TMPRSS11F: variants seen among roughly 807,000 people sequenced by gnomAD.
TMPRSS11F encodes transmembrane protease serine 11F.
TMPRSS11F carries 47 observed loss-of-function variants against 60.2 expected under a neutral mutation model. The observed-to-expected ratio is 0.78, with a 90% CI of 0.62 to 1.00. TMPRSS11F has a LOEUF of 1.00. TMPRSS11F is among the 50% of genes least tolerant of loss of function. TMPRSS11F has a pLI of 0.00. For synonymous variants in TMPRSS11F, 166 were observed against 167.3 expected (o/e 0.99, Z 0.06); for missense variants, 519 against 522.9 (o/e 0.99, Z 0.07).
At chr4:68,070,666 C>T (rs1723439709) in intron 5 of TMPRSS11F, among the ~76,000 whole-genome samples, 1 of 152,178 alleles carries the variant, frequency 6.6e-6, no homozygotes, top group Admixed American at 6.5e-5. Context: ...TTTTATGTTT[C>T]CCTTCTGTGA....
intron 9 of TMPRSS11F, among the ~76,000 whole-genome samples, chr4:68,058,059 C>T (rs1016688680): frequency 7.2e-5 from 11 of 152,038 alleles, no homozygotes; most frequent in African/African-American, 2.2e-4. Flanking sequence ...TTACCAGAGT[C>T]TGGGTGAGCC....
intron 1 of TMPRSS11F, among the ~76,000 whole-genome samples, chr4:68,125,147 A>G (rs560796802): frequency 1.3e-5 from 2 of 151,276 alleles, no homozygotes; most frequent in Non-Finnish European, 3.0e-5. Context: ...TAACTTACAA[A>G]CAGGGCAATT....
At chr4:68,098,755 A>C in intron 2 of TMPRSS11F, 132 bp downstream of exon 2, 2 of 841,264 alleles carry the variant, frequency 2.4e-6, no homozygotes, top group South Asian at 4.4e-5. Context: ...AGCAAACTAT[A>C]ATTTAACATC....
intron 1 of TMPRSS11F, among the ~76,000 whole-genome samples, chr4:68,103,284 A>C (rs998529217): frequency 6.6e-6 from 1 of 152,080 alleles, no homozygotes; most frequent in African/African-American, 2.4e-5. Context: ...CTACAAAAAA[A>C]ATACTTAAAA....
rs938491383 is a variant in TMPRSS11F at position 68,109,243 on chromosome 4, G to A, written c.12-10205C>T. On this transcript the variant is annotated intron_variant, in intron 1 of 9. Coordinates refer to ENST00000356291, the MANE Select transcript of TMPRSS11F (RefSeq NM_207407.2). ...GCTGGGTATTCTCTAGTGAACAAAAGAAGGTCCAGTACTCCAGTACCAGTA... is the reference window on the plus strand; with the variant it reads ...GCTGGGTATTCTCTAGTGAACAAAAAAAGGTCCAGTACTCCAGTACCAGTA... Among the ~76,000 whole-genome samples, 24 of 152,070 alleles carry A rather than the reference G, an allele frequency of 1.6e-4. No homozygotes were observed. In the East Asian group the frequency reaches 4.7e-3, roughly 29 times the overall value.
chr4:68,072,895 C>CTTTTG (rs980542240), intron 4 of TMPRSS11F, among the ~76,000 whole-genome samples: 80 of 152,198 alleles, frequency 5.3e-4, no homozygotes, highest in Non-Finnish European at 9.4e-4. Context: ...AGGGAGGATC[C>CTTTTG]TTTTGTTTAC....
At chr4:68,063,244 T>G (rs1723240716) in intron 8 of TMPRSS11F, 2 of 573,650 alleles carry the variant, frequency 3.5e-6, no homozygotes, top group Non-Finnish European at 6.9e-6. Flanking sequence ...ACTCCACAGG[T>G]TCTCTCTCCA....
Position 68,090,504 on chromosome 4 carries a change from A to T in TMPRSS11F, c.282+19T>A. ...CAAAAGACACATTAATAAACATTTA[A>T]AATTTCTGTTGAGCTTACCATTCTT... is the stretch of plus-strand genomic sequence containing the variant. On this transcript the variant is annotated intron_variant, in intron 3 of 9. Transcript: ENST00000356291. 6.4e-7 allele frequency: 1 copy of T among 1,566,842 alleles called. No homozygotes were observed. Among genetic ancestry groups the T allele is most frequent in the South Asian group, 1.2e-5 (1 of 85,282 alleles).
chr4:68,054,170 C>G (rs1722995708), intron 9 of TMPRSS11F, 103 bp from the exon 10 acceptor site: 1 of 971,942 alleles, frequency 1.0e-6, no homozygotes, highest in Non-Finnish European at 1.5e-6. Context: ...GTACACAGAC[C>G]ACAGCCAGAC....
intron 6 of TMPRSS11F, 118 bp downstream of exon 6, chr4:68,069,851 A>G: frequency 1.4e-6 from 1 of 736,648 alleles, no homozygotes; most frequent in South Asian, 2.3e-5. Flanking sequence ...TGTTCGGTTT[A>G]CAAAAATATA....
chr4:68,060,380 A>G (rs1284010346), intron 8 of TMPRSS11F, among the ~76,000 whole-genome samples: 1 of 150,554 alleles, frequency 6.6e-6, no homozygotes, highest in African/African-American at 2.4e-5. Flanking sequence ...GCCAGGCGTG[A>G]TGGCGGGTGC....
chr4:68,082,187 G>A (rs1302064245), intron 3 of TMPRSS11F, among the ~76,000 whole-genome samples: 3 of 152,152 alleles, frequency 2.0e-5, no homozygotes, highest in Non-Finnish European at 2.9e-5. Flanking sequence ...ACTAGGGAAG[G>A]GGTGAATGAA....
chr4:68,060,086 T>C (rs1241700987), intron 8 of TMPRSS11F, among the ~76,000 whole-genome samples: 5 of 151,888 alleles, frequency 3.3e-5, no homozygotes, highest in African/African-American at 1.2e-4. Context: ...TATTGGTGAG[T>C]AGCCCTGAGT....
In TMPRSS11F at chr4:68,072,305, TA is replaced by T. The variant is rs549480420; in HGVS notation, c.514+17del. On this transcript the variant is annotated intron_variant, in intron 5 of 9. Transcript: ENST00000356291. The stretch of plus-strand genomic sequence containing the variant: ...AGGAGGGAATGACAAAAGTGGCAAA[TA>T]AAAATAAAAGACTTACGTGTGAGTC... The T allele has an allele frequency of 6.9e-7, 1 of 1,447,126 alleles. No homozygotes were observed. The highest frequency in any genetic ancestry group is 2.5e-5 in the East Asian group (1 of 39,388). The allele number at this position is 1,447,126 out of a possible 1,614,324, so 89.6% of individuals were successfully genotyped here. A position where few individuals can be genotyped will look rare whatever the true frequency, so the allele number is the denominator to read the frequency against.
chr4:68,064,747 G>A lies in TMPRSS11F; in HGVS notation c.953C>T (p.Ser318Phe), dbSNP rs143544573. The A allele has an allele frequency of 8.6e-3, 13,914 of 1,614,110 alleles. 85 individuals carry two copies. The highest frequency in any genetic ancestry group is 0.01 in the Non-Finnish European group (12,325 of 1,179,978). ...IVQRVCLPDS[S>F]IKLPPKTSVF... ...ACTTGTTTTAGGTGGCAACTTTATA[G>A]ATGAGTCTGGGAGGCAAACTCTCTG... The change falls in exon 8 of 10, where the codon TCT becomes TTT. Residue 318 changes from serine to phenylalanine, a missense_variant. Transcript: ENST00000356291.
intron 1 of TMPRSS11F, among the ~76,000 whole-genome samples, chr4:68,102,262 A>C (rs1724207082): frequency 6.6e-6 from 1 of 152,194 alleles, no homozygotes; most frequent in South Asian, 2.1e-4. Context: ...GCTATTGTGA[A>C]TAATGCAGCA....
chr4:68,128,492 T>C (rs894975137), intron 1 of TMPRSS11F, among the ~76,000 whole-genome samples: 2 of 151,628 alleles, frequency 1.3e-5, no homozygotes, highest in African/African-American at 4.8e-5. Flanking sequence ...GAGGCTTCAA[T>C]ATAGAAATTT....
chr4:68,107,852 G>T (rs374791213), intron 1 of TMPRSS11F, among the ~76,000 whole-genome samples: 1 of 152,106 alleles, frequency 6.6e-6, no homozygotes, highest in Non-Finnish European at 1.5e-5. Flanking sequence ...CAGGAGAATC[G>T]CTTGAACCCA....
chr4:68,126,337 T>A (rs1309019832), intron 1 of TMPRSS11F, among the ~76,000 whole-genome samples: 2 of 152,326 alleles, frequency 1.3e-5, no homozygotes, highest in East Asian at 3.9e-4. Context: ...AATGAATAAA[T>A]GAAACTTTAA....
Sources: allele counts gnomAD v4.1 joint callset (sites outside exome capture counted in the v4.1 genomes callset), GRCh38; gene constraint gnomAD v4.1.1; transcripts MANE v1.5; gene names NCBI Gene and HGNC (gene_info 2026-07-23, HGNC 2026-07-21).